Variants in TTC17 observed in about 807,000 individuals in gnomAD.
TTC17 encodes the protein tetratricopeptide repeat domain 17.
Under a neutral mutation model 143.8 loss-of-function variants are expected in TTC17, and 58 were observed. The ratio of observed to expected loss-of-function variants is 0.40; its 90% CI spans 0.33 to 0.50. The LOEUF (loss-of-function observed/expected upper bound fraction) is 0.50. Among genes scored for constraint, TTC17 ranks in the 20% least tolerant of loss-of-function variants. The probability of loss-of-function intolerance (pLI) is 0.49; values close to 1 mark genes in which losing one functional copy is unlikely to be tolerated. For missense variants in TTC17, 1,273 were observed against 1,392.5 expected, an observed-to-expected ratio of 0.91 and a Z score of 1.37; for synonymous variants, 501 against 497.8, an observed-to-expected ratio of 1.01 and a Z score of -0.09.
At chr11:43,405,319 C>T (rs993112043) in intron 11 of TTC17, among the ~76,000 whole-genome samples, 195 bp from the exon 12 acceptor site, 4 of 152,102 alleles carry the variant, frequency 2.6e-5, no homozygotes, top group Non-Finnish European at 4.4e-5. Flanking sequence ...AACCCTGAAC[C>T]AGTCTGTGGT....
At position 43,442,474 on chromosome 11, in the gene TTC17, T is replaced by G. The variant is rs149425289; in HGVS notation, c.2252-851T>G. ...TTCCTAAAGGGACTAGGGATGACTT[T>G]CATGGAATGCACAGTGTAACATCCA... On this transcript the variant is annotated intron_variant, in intron 16 of 23. Transcript: ENST00000039989. Among the ~76,000 whole-genome samples the G allele has an allele frequency of 6.0e-3, 908 of 152,346 alleles. 7 individuals are homozygous for G. The highest frequency in any genetic ancestry group is 0.02 in the African/African-American group (831 of 41,578).
At chr11:43,456,179 A>AACAC (rs57261729) in intron 21 of TTC17, among the ~76,000 whole-genome samples, 17,007 of 146,176 alleles carry the variant, frequency 0.12, 997 homozygotes, top group Middle Eastern at 0.25. Context: ...TTAGCACAAT[A>AACAC]ACACACACAC....
intron 21 of TTC17, among the ~76,000 whole-genome samples, chr11:43,477,127 CAA>C (rs1254927102): frequency 1.3e-5 from 2 of 152,218 alleles, no homozygotes; most frequent in Admixed American, 6.5e-5. Flanking sequence ...TAAAACATAA[CAA>C]GAGTCACCTT....
intron 21 of TTC17, among the ~76,000 whole-genome samples, chr11:43,485,983 C>G (rs371004488): frequency 6.7e-6 from 1 of 149,252 alleles, no homozygotes; most frequent in Non-Finnish European, 1.5e-5. Context: ...AACCAGGAAG[C>G]AATCTAAATG....
chr11:43,447,784 CT>C, intron 18 of TTC17: 1 of 491,906 alleles, frequency 2.0e-6, no homozygotes. Context: ...CTCATTTATT[CT>C]TACTTCTCCA....
At chr11:43,360,796 TGCCTC>T (rs1316798133) in intron 1 of TTC17, among the ~76,000 whole-genome samples, 1 of 152,112 alleles carries the variant, frequency 6.6e-6, no homozygotes, top group African/African-American at 2.4e-5. Context: ...ACTGGAAACT[TGCCTC>T]AGAGAAGCAG....
chr11:43,475,428 G>A (rs1374656426), intron 21 of TTC17, among the ~76,000 whole-genome samples: 1 of 152,128 alleles, frequency 6.6e-6, no homozygotes, highest in Non-Finnish European at 1.5e-5. Flanking sequence ...AACCTCCCAG[G>A]TTAAAGCAAT....
At chr11:43,377,327 C>T (rs1273546293) in intron 1 of TTC17, among the ~76,000 whole-genome samples, 3 of 152,000 alleles carry the variant, frequency 2.0e-5, no homozygotes, top group Admixed American at 1.3e-4. Context: ...CTCATGGGAG[C>T]ACCATCACAT....
At chr11:43,451,360 A>G in intron 21 of TTC17, 95 bp downstream of exon 21, 2 of 1,105,934 alleles carry the variant, frequency 1.8e-6, no homozygotes, top group East Asian at 2.5e-5. Context: ...CTCTTCTGTT[A>G]GTTACTTAGC....
chr11:43,388,207 A>C (rs1454864956), intron 2 of TTC17, among the ~76,000 whole-genome samples: 1 of 152,198 alleles, frequency 6.6e-6, no homozygotes, highest in African/African-American at 2.4e-5. Context: ...ATGGATAAAT[A>C]CATATTTATA....
intron 8 of TTC17, among the ~76,000 whole-genome samples, 183 bp downstream of exon 8, chr11:43,398,296 G>C (rs1786375803): frequency 6.6e-6 from 1 of 152,096 alleles, no homozygotes; most frequent in Admixed American, 6.6e-5. Flanking sequence ...TTGTGTAGAG[G>C]AATATCTTTA....
intron 1 of TTC17, among the ~76,000 whole-genome samples, chr11:43,373,273 C>G (rs949747703): frequency 2.0e-5 from 3 of 151,500 alleles, no homozygotes; most frequent in African/African-American, 7.3e-5. Context: ...TAGCCAGCCA[C>G]TGCTAATTAG....
chr11:43,489,609 A>C (rs1948437468), intron 21 of TTC17, among the ~76,000 whole-genome samples: 2 of 151,792 alleles, frequency 1.3e-5, no homozygotes, highest in Non-Finnish European at 2.9e-5. Flanking sequence ...GTGGTGGTGC[A>C]CTCCTCTAAT....
chr11:43,436,586 A>G (rs913287188), intron 16 of TTC17, among the ~76,000 whole-genome samples: 2 of 152,174 alleles, frequency 1.3e-5, no homozygotes, highest in Non-Finnish European at 2.9e-5. Flanking sequence ...TTACTGGTAT[A>G]TTGAGTAAAT....
intron 2 of TTC17, among the ~76,000 whole-genome samples, chr11:43,389,011 T>C (rs1449584048): frequency 6.7e-6 from 1 of 150,138 alleles, no homozygotes; most frequent in Non-Finnish European, 1.5e-5. Context: ...ATGTGGGACA[T>C]GCCTGTAGTC....
intron 5 of TTC17, among the ~76,000 whole-genome samples, chr11:43,395,098 A>G (rs956669247): frequency 2.7e-5 from 4 of 149,072 alleles, no homozygotes. Context: ...TTCATGTAGA[A>G]CTTTTTTTTT....
intron 23 of TTC17, among the ~76,000 whole-genome samples, chr11:43,492,746 T>C (rs761533249): frequency 6.6e-6 from 1 of 152,236 alleles, no homozygotes; most frequent in Non-Finnish European, 1.5e-5. Flanking sequence ...TTTCATGGAA[T>C]ACCATTTACA....
rs1254281031 is a variant in TTC17, at chr11:43,364,528, A to C, written c.159+5415A>C. Among the ~76,000 whole-genome samples, 3 of 152,176 alleles carry C rather than the reference A, an allele frequency of 2.0e-5. No individual in the cohort carries two copies. In the East Asian group the frequency reaches 5.8e-4, roughly 29 times the overall value. Reference sequence around the variant, plus strand: ...TAAAGGACTGTTTCTATGTTTATACACTTCCAGGATTTAGTTACACCTGGA... The same window carrying C: ...TAAAGGACTGTTTCTATGTTTATACCCTTCCAGGATTTAGTTACACCTGGA... On this transcript the variant is annotated intron_variant, in intron 1 of 23. Transcript: ENST00000039989.
At position 43,406,058 on chromosome 11, in the gene TTC17, GTA is replaced by G. The variant is rs796801540; in HGVS notation, c.1761+110_1761+111del. 13 of 1,277,352 alleles carry G rather than the reference GTA, an allele frequency of 1.0e-5. No homozygotes were observed. The African/African-American group carries it at 1.6e-4, about 16-fold the overall frequency. 79.1% of individuals were successfully genotyped at this position (1,277,352 alleles called of 1,614,324 possible). ...AGAAGGTAGCTGTTGAGCTTTAAGT[GTA>G]TAAAATGGAAGGATAGAGTTAAAGA... On this transcript the variant is annotated intron_variant, in intron 13 of 23. Coordinates refer to ENST00000039989, the MANE Select transcript of TTC17 (RefSeq NM_018259.6).
Sources: allele counts gnomAD v4.1 joint callset (sites outside exome capture counted in the v4.1 genomes callset), GRCh38; gene constraint gnomAD v4.1.1; transcripts MANE v1.5; gene names NCBI Gene and HGNC (gene_info 2026-07-23, HGNC 2026-07-21).